EPHA3: variants seen among roughly 807,000 people sequenced by gnomAD.
EPHA3 encodes the protein EPH receptor A3, also known as ephrin type-A receptor 3.
EPHA3 carries 42 observed loss-of-function variants against 107.1 expected under a neutral mutation model. The ratio of observed to expected loss-of-function variants is 0.39; its 90% CI spans 0.31 to 0.51. The LOEUF (loss-of-function observed/expected upper bound fraction) is 0.51, where lower values mean the gene tolerates loss of function less well. Among genes scored for constraint, EPHA3 ranks in the 20% least tolerant of loss-of-function variants. The pLI is 0.78. For synonymous variants in EPHA3, 461 were observed against 424.8 expected (o/e 1.09, Z -1.05); for missense variants, 1,183 against 1,211.2 (o/e 0.98, Z 0.35).
At chr3:89,478,301 C>G (rs1710556586) in intron 16 of EPHA3, among the ~76,000 whole-genome samples, 1 of 152,212 alleles carries the variant, frequency 6.6e-6, no homozygotes, top group Non-Finnish European at 1.5e-5. Flanking sequence ...TTCCAGTTAT[C>G]TATGGCTGCA....
rs73139147 is a variant in EPHA3, at chr3:89,481,197, G to A, written c.*1695G>A. The stretch of plus-strand genomic sequence containing the variant: ...CGCTAATGAAACACAGCTTACAATC[G>A]CAAATCAAAACTCACAAGTGCTCAT... On this transcript the variant is annotated 3_prime_UTR_variant, in exon 17 of 17. Coordinates refer to ENST00000336596, the MANE Select transcript of EPHA3 (RefSeq NM_005233.6). 45,289 of 231,846 alleles carry A rather than the reference G, an allele frequency of 0.2. 5,296 individuals carry two copies. The highest frequency in any genetic ancestry group is 0.25 in the Non-Finnish European group (29,192 of 117,314). 14.4% of individuals were successfully genotyped at this position (231,846 alleles called of 1,614,324 possible). A position where few individuals can be genotyped will look rare whatever the true frequency, so the allele number is the denominator to read the frequency against.
chr3:89,479,359 G>A (rs1296197152), intron 16 of EPHA3, 38 bp from the exon 17 acceptor site: 13 of 1,547,442 alleles, frequency 8.4e-6, no homozygotes, highest in Middle Eastern at 1.7e-4. Context: ...ATACACTATC[G>A]AGGAAACCGA....
At chr3:89,468,381 T>A (rs1475823357) in intron 15 of EPHA3, among the ~76,000 whole-genome samples, 5 of 152,172 alleles carry the variant, frequency 3.3e-5, no homozygotes, top group Non-Finnish European at 5.9e-5. Context: ...CTCTAAACTC[T>A]TGTTGAGTCT....
chr3:89,399,522 T>C, intron 7 of EPHA3, 42 bp downstream of exon 7: 1 of 1,601,356 alleles, frequency 6.2e-7, no homozygotes, highest in Non-Finnish European at 8.5e-7. Context: ...GGGGCAGGGA[T>C]CTTGCAAAAG....
At chr3:89,180,207 A>T (rs1421368371) in intron 2 of EPHA3, among the ~76,000 whole-genome samples, 2 of 151,940 alleles carry the variant, frequency 1.3e-5, no homozygotes, top group Non-Finnish European at 2.9e-5. Flanking sequence ...TTTTTTCATG[A>T]AAGCTTTCTT....
chr3:89,271,389 A>G (rs1412762638), intron 3 of EPHA3, among the ~76,000 whole-genome samples: 1 of 152,036 alleles, frequency 6.6e-6, no homozygotes, highest in African/African-American at 2.4e-5. Flanking sequence ...AATGGTGTTC[A>G]TGATAAATGT....
At chr3:89,390,122 G>C (rs1280498924) in intron 5 of EPHA3, among the ~76,000 whole-genome samples, 1 of 152,050 alleles carries the variant, frequency 6.6e-6, no homozygotes, top group Admixed American at 6.5e-5. Context: ...CTCCCAAGTA[G>C]CTGGGATTAC....
At chr3:89,124,616 A>T (rs1704051923) in intron 1 of EPHA3, among the ~76,000 whole-genome samples, 1 of 152,030 alleles carries the variant, frequency 6.6e-6, no homozygotes, top group African/African-American at 2.4e-5. Context: ...GCCACAATGG[A>T]ACTGTTGTTA....
intron 3 of EPHA3, among the ~76,000 whole-genome samples, chr3:89,211,803 CTT>C: frequency 9.2e-6 from 1 of 108,804 alleles, no homozygotes; most frequent in East Asian, 2.3e-4. Flanking sequence ...TCTTCTTCTT[CTT>C]CTTCTTCTTC....
intron 2 of EPHA3, among the ~76,000 whole-genome samples, chr3:89,174,310 AG>A (rs1466847795): frequency 6.6e-6 from 1 of 152,000 alleles, no homozygotes; most frequent in Non-Finnish European, 1.5e-5. Context: ...GGAGTGCTTA[AG>A]TCTTCTTTAT....
At chr3:89,172,162 G>A (rs1191104392) in intron 2 of EPHA3, among the ~76,000 whole-genome samples, 2 of 152,166 alleles carry the variant, frequency 1.3e-5, no homozygotes, top group East Asian at 3.9e-4. Flanking sequence ...TGGCCTGACA[G>A]CAAGGATGGG....
rs544418240 is a variant in EPHA3 at position 89,242,746 on chromosome 3, CT to C, written c.814+32229del. Among the ~76,000 whole-genome samples, 5 of 140,870 alleles carry C rather than the reference CT, an allele frequency of 3.5e-5. No individual in the cohort carries two copies. In the South Asian group the frequency reaches 8.5e-4, roughly 24 times the overall value. The allele number at this position is 140,870 out of a possible 152,430, so 92.4% of individuals were successfully genotyped here. A position where few individuals can be genotyped will look rare whatever the true frequency, so the allele number is the denominator to read the frequency against. ...GCCACTGTGCCTGGCCTAGTATTTT[CT>C]TTCTTTCTTTTATTTTTTTATTATA... On this transcript the variant is annotated intron_variant, in intron 3 of 16. Transcript: ENST00000336596.
chr3:89,357,106 C>CAAAAAAAAA lies in EPHA3; in HGVS notation c.1306+15038_1306+15046dup, dbSNP rs56717904. On this transcript the variant is annotated intron_variant, in intron 5 of 16. Coordinates refer to ENST00000336596, the MANE Select transcript of EPHA3 (RefSeq NM_005233.6). ...CTGGTGAAAGAGTGAGACCCTGTCT[C>CAAAAAAAAA]AAAAAAAAAAAAAAAAAAAAAAAAA... Among the ~76,000 whole-genome samples, 68 of 16,000 alleles carry CAAAAAAAAA rather than the reference C, an allele frequency of 4.3e-3. 9 individuals are homozygous for CAAAAAAAAA. The highest frequency in any genetic ancestry group is 0.011 in the African/African-American group (51 of 4,708). 10.5% of individuals were successfully genotyped at this position (16,000 alleles called of 152,430 possible).
At chr3:89,273,381 CTTAGT>C (rs1313850304) in intron 3 of EPHA3, among the ~76,000 whole-genome samples, 27 of 151,924 alleles carry the variant, frequency 1.8e-4, no homozygotes, top group African/African-American at 6.3e-4. Context: ...CTGTTTATAC[CTTAGT>C]TTAAACTTTA....
intron 2 of EPHA3, among the ~76,000 whole-genome samples, chr3:89,203,955 C>A (rs527570721): frequency 6.6e-6 from 1 of 151,990 alleles, no homozygotes; most frequent in South Asian, 2.1e-4. Context: ...CTGGGTAAAG[C>A]GGAGACAGAA....
intron 3 of EPHA3, among the ~76,000 whole-genome samples, chr3:89,226,852 G>A (rs190961913): frequency 1.3e-5 from 2 of 152,030 alleles, no homozygotes; most frequent in Non-Finnish European, 2.9e-5. Context: ...TTGAAGCTTA[G>A]GCATGATTAC....
At chr3:89,135,480 G>T (rs1028477186) in intron 2 of EPHA3, among the ~76,000 whole-genome samples, 2 of 151,990 alleles carry the variant, frequency 1.3e-5, no homozygotes, top group African/African-American at 4.8e-5. Context: ...AATAATAAGA[G>T]CTTTCCCAAA....
chr3:89,321,807 G>A (rs892296322), intron 3 of EPHA3, among the ~76,000 whole-genome samples: 35 of 151,882 alleles, frequency 2.3e-4, no homozygotes, highest in Admixed American at 2.2e-3. Flanking sequence ...AAGAAAATTT[G>A]GTTAAAATAA....
At chr3:89,237,820 T>G (rs1704802839) in intron 3 of EPHA3, among the ~76,000 whole-genome samples, 1 of 151,694 alleles carries the variant, frequency 6.6e-6, no homozygotes, top group African/African-American at 2.4e-5. Flanking sequence ...AAAACAAAAT[T>G]TAAAAAAAAT....
Sources: gnomAD v4.1 joint callset for allele counts (sites outside exome capture counted in the v4.1 genomes callset) on GRCh38, gnomAD v4.1.1 for gene constraint, MANE v1.5 for transcripts, NCBI Gene and HGNC (gene_info 2026-07-23, HGNC 2026-07-21) for gene names.